Variants in CACNB1 observed in about 807,000 individuals in gnomAD.
CACNB1 encodes calcium voltage-gated channel auxiliary subunit beta 1, also known as voltage-dependent L-type calcium channel subunit beta-1.
CACNB1 carries 29 observed loss-of-function variants against 71.6 expected under a neutral mutation model. The ratio of observed to expected loss-of-function variants is 0.40; its 90% CI spans 0.30 to 0.55. The LOEUF (loss-of-function observed/expected upper bound fraction) is 0.55. Ranked by LOEUF, CACNB1 falls within the 20% of genes least tolerant of loss-of-function variation. The pLI, the probability that CACNB1 is intolerant of heterozygous loss-of-function variation, is 0.38. For synonymous variants in CACNB1, 300 were observed against 319.6 expected (o/e 0.94, Z 0.65); for missense variants, 623 against 801.8 (o/e 0.78, Z 2.69).
chr17:39,183,764 G>T lies in CACNB1; in HGVS notation c.999C>A (p.Ser333=). 1 of 1,613,644 alleles carries T rather than the reference G, an allele frequency of 6.2e-7. No individual in the cohort carries two copies. The highest frequency in any genetic ancestry group is 8.5e-7 in the Non-Finnish European group (1 of 1,179,766). ...ADTINHPAQL[S]KTSLAPIIVY... ...CAATGATGGGGGCCAGCGAGGTCTT[G>T]GACAGCTGGGCTGGGTGATTGATGG... Residue 333 remains serine, a synonymous_variant, in exon 11 of 14, where the codon TCC becomes TCA. Coordinates refer to ENST00000394303, the MANE Select transcript of CACNB1 (RefSeq NM_000723.5).
intron 11 of CACNB1, among the ~76,000 whole-genome samples, chr17:39,178,816 T>C (rs1305523999): frequency 6.6e-6 from 1 of 152,192 alleles, no homozygotes; most frequent in Non-Finnish European, 1.5e-5. Context: ...GCTGCTATTA[T>C]CATTCTCATC....
In CACNB1 at chr17:39,175,503, C is replaced by T. The variant is rs776999073; in HGVS notation, c.1487G>A (p.Arg496His). 2 of 1,613,926 alleles carry T rather than the reference C, an allele frequency of 1.2e-6. No homozygotes were observed. Among genetic ancestry groups the T allele is most frequent in the Admixed American group, 1.7e-5 (1 of 60,012 alleles). The change falls in exon 14 of 14, where the codon CGC becomes CAC. Residue 496 changes from arginine to histidine, a missense_variant. By Grantham distance (29) the Arg-to-His change is conservative. Transcript: ENST00000394303. This position sits in a 1 kb window ranked among gnomAD's most constrained non-coding sequence, Gnocchi z 4.7. ...GGTGTCGGCATCAAAAGTGTCTTGG[C>T]GGGACAGTGCCCGTAGCGTGCCTGC... The part of the protein sequence containing the change: ...GRAGTLRALS[R>H]QDTFDADTPG...
At position 39,175,086 on chromosome 17, in the gene CACNB1, A is replaced by C. The variant is rs1300488352; in HGVS notation, c.*107T>G. The C allele has an allele frequency of 7.7e-6, 7 of 913,448 alleles. No homozygotes were observed. The highest frequency in any genetic ancestry group is 2.3e-5 in the Admixed American group (1 of 42,706). The allele number at this position is 913,448 out of a possible 1,614,324, so 56.6% of individuals were successfully genotyped here. On this transcript the variant is annotated 3_prime_UTR_variant, in exon 14 of 14. Transcript: ENST00000394303. The surrounding 1 kb of genome is among the most constrained non-coding windows in gnomAD (Gnocchi z 4.7). ...GCTTTGAGCAAAGGCATCTGAAAGGAGGGAGACAGCGCCCCCTGGAGGCGA... is the reference window on the plus strand; with the variant it reads ...GCTTTGAGCAAAGGCATCTGAAAGGCGGGAGACAGCGCCCCCTGGAGGCGA...
chr17:39,186,333 C>A lies in CACNB1; in HGVS notation c.628+163G>T, dbSNP rs2045939301. The A allele has an allele frequency of 4.7e-6, 3 of 640,306 alleles. No homozygotes were observed. The highest frequency in any genetic ancestry group is 2.8e-5 in the Admixed American group (1 of 35,304). 39.7% of individuals were successfully genotyped at this position (640,306 alleles called of 1,614,324 possible). ...GAGAGGAGAGACATGACAGGCCCAG[C>A]TTGAGGGGTAGCCTACTCTTCATGG... On this transcript the variant is annotated intron_variant, in intron 6 of 13. Transcript: ENST00000394303. The surrounding 1 kb of genome is among the most constrained non-coding windows in gnomAD (Gnocchi z 4.1).
chr17:39,181,740 G>A (rs1389629639), intron 11 of CACNB1, among the ~76,000 whole-genome samples: 2 of 152,170 alleles, frequency 1.3e-5, no homozygotes, highest in South Asian at 2.1e-4. Context: ...AAGTAGGCTG[G>A]GCGCGGTGGC....
chr17:39,177,644 G>T, intron 12 of CACNB1, 109 bp from the exon 13 acceptor site: 1 of 818,978 alleles, frequency 1.2e-6, no homozygotes, highest in Non-Finnish European at 1.9e-6. Flanking sequence ...GAAGGACAAG[G>T]TTAAAAAGAG....
rs113013277 is a variant in CACNB1, at chr17:39,191,704, A to T, written c.172-111T>A. On this transcript the variant is annotated intron_variant, in intron 2 of 13. Coordinates refer to ENST00000394303, the MANE Select transcript of CACNB1 (RefSeq NM_000723.5). The stretch of plus-strand genomic sequence containing the variant: ...GGATGCCTCGAGCCCCAGCCAGCCC[A>T]GCATGACACCACAAGGGCTAAGACA... The T allele has an allele frequency of 2.1e-4, 225 of 1,060,448 alleles. 5 individuals carry two copies. In the African/African-American group the frequency reaches 2.7e-3, roughly 13 times the overall value. The allele number at this position is 1,060,448 out of a possible 1,614,324, so 65.7% of individuals were successfully genotyped here.
At chr17:39,185,969 C>T (rs752564221) in intron 6 of CACNB1, 34 of 1,612,720 alleles carry the variant, frequency 2.1e-5, no homozygotes, top group East Asian at 6.7e-5. Context: ...GAAGGGGATG[C>T]GTTTGCCATG....
chr17:39,197,026 G>A (rs1479376521), intron 1 of CACNB1, among the ~76,000 whole-genome samples: 2 of 149,932 alleles, frequency 1.3e-5, no homozygotes, highest in Non-Finnish European at 1.5e-5. Context: ...GCGCCCCCGA[G>A]CGTGCTCTGC....
At chr17:39,178,389 TTTTTTTTTTA>T (rs2045648481) in intron 11 of CACNB1, 1 of 214,348 alleles carries the variant, frequency 4.7e-6, no homozygotes, top group African/African-American at 2.4e-5. Flanking sequence ...TTTTTTGTTT[TTTTTTTTTTA>T]AATTTTAGAG....
chr17:39,183,917 C>T (rs2045857748), intron 10 of CACNB1, 53 bp from the exon 11 acceptor site: 12 of 1,590,242 alleles, frequency 7.5e-6, no homozygotes, highest in Non-Finnish European at 1.0e-5. Context: ...CTCCCAGGAA[C>T]AGCAGGTGGA....
chr17:39,176,448 C>T (rs73304964), intron 13 of CACNB1, among the ~76,000 whole-genome samples: 3,567 of 152,232 alleles, frequency 0.023, 118 homozygotes, highest in African/African-American at 0.077. Flanking sequence ...TAGCAGTTTC[C>T]AAACTGTTAC....
At chr17:39,179,661 G>A (rs1277832224) in intron 11 of CACNB1, among the ~76,000 whole-genome samples, 1 of 152,108 alleles carries the variant, frequency 6.6e-6, no homozygotes, top group Non-Finnish European at 1.5e-5. Flanking sequence ...TACTTTGGGA[G>A]GCTGAGGCGG....
Position 39,186,192 on chromosome 17 carries a change from AGGGATG to A in CACNB1, c.628+298_628+303del. The A allele has an allele frequency of 2.7e-6, 3 of 1,131,020 alleles. No homozygotes were observed. The highest frequency in any genetic ancestry group is 1.9e-5 in the Admixed American group (1 of 53,270). The allele number at this position is 1,131,020 out of a possible 1,614,324, so 70.1% of individuals were successfully genotyped here. A position where few individuals can be genotyped will look rare whatever the true frequency, so the allele number is the denominator to read the frequency against. On this transcript the variant is annotated intron_variant, in intron 6 of 13. Coordinates refer to ENST00000394303, the MANE Select transcript of CACNB1 (RefSeq NM_000723.5). The surrounding 1 kb of genome is among the most constrained non-coding windows in gnomAD (Gnocchi z 4.1). ...ACGTGGAGACACAAGTACAGAACGCAGGGATGGGGATGGGGAAAAAAGAAAGAAGAA... is the reference window on the plus strand; with the variant it reads ...ACGTGGAGACACAAGTACAGAACGCAGGGATGGGGAAAAAAGAAAGAAGAA...
In CACNB1 at chr17:39,177,499, C is replaced by T; in HGVS notation, c.1183G>A (p.Glu395Lys). The T allele has an allele frequency of 6.2e-7, 1 of 1,605,724 alleles. No individual in the cohort carries two copies. Among genetic ancestry groups the T allele is most frequent in the Non-Finnish European group, 8.5e-7 (1 of 1,174,050 alleles). ...FDIILDENQL[E>K]DACEHLAEYL... Reference sequence around the variant, plus strand: ...TCCGCCAGATGCTCGCAGGCATCCTCCAATTGGTTCTCATCCAGGATGATG... The same window carrying T: ...TCCGCCAGATGCTCGCAGGCATCCTTCAATTGGTTCTCATCCAGGATGATG... Residue 395 changes from glutamate to lysine, a missense_variant, in exon 13 of 14, where the codon GAG (glutamate) becomes AAG (lysine). Transcript: ENST00000394303.
chr17:39,185,612 C>T (rs2045917848), intron 6 of CACNB1, among the ~76,000 whole-genome samples: 1 of 150,548 alleles, frequency 6.6e-6, no homozygotes. Flanking sequence ...GAAGGAATGC[C>T]ATCCCATGTC....
intron 3 of CACNB1, among the ~76,000 whole-genome samples, chr17:39,188,929 G>C (rs2144152511): frequency 6.6e-6 from 1 of 152,216 alleles, no homozygotes; most frequent in Non-Finnish European, 1.5e-5. Context: ...TGTAATCTTG[G>C]CTACTTGGGA....
chr17:39,189,233 C>T (rs963881683), intron 3 of CACNB1, among the ~76,000 whole-genome samples: 3 of 150,904 alleles, frequency 2.0e-5, no homozygotes, highest in Admixed American at 2.0e-4. Flanking sequence ...CGTGGTGGCA[C>T]GCACCTGTAA....
At chr17:39,192,593 G>A (rs1263653083) in intron 2 of CACNB1, 1 of 152,844 alleles carries the variant, frequency 6.5e-6, no homozygotes, top group Non-Finnish European at 1.5e-5. Flanking sequence ...CAGGAGGCAA[G>A]AGGTGTGGAT....
Sources: gnomAD v4.1 joint callset for allele counts (sites outside exome capture counted in the v4.1 genomes callset) on GRCh38, gnomAD v4.1.1 for gene constraint, Gnocchi (gnomAD v3.1) non-coding constraint, MANE v1.5 for transcripts, NCBI Gene and HGNC (gene_info 2026-07-23, HGNC 2026-07-21) for gene names.